The following UPK3B variants were observed in gnomAD, a reference collection of about 807,000 sequenced individuals.
The protein encoded by UPK3B is uroplakin-3b.
Under a neutral mutation model 27.6 loss-of-function variants are expected in UPK3B, and 21 were observed. That is an observed-to-expected ratio of 0.76 (90% CI 0.54 to 1.10). The LOEUF (loss-of-function observed/expected upper bound fraction) is 1.10. UPK3B is among the 50% of genes least tolerant of loss of function. The pLI, the probability that UPK3B is intolerant of heterozygous loss-of-function variation, is 0.00. For missense variants in UPK3B, 306 were observed against 376.1 expected (o/e 0.81, Z 1.54); for synonymous variants, 141 against 162.3 (o/e 0.87, Z 1.00).
chr7:76,514,356 C>T (rs1812655781), intron 5 of UPK3B, among the ~76,000 whole-genome samples: 1 of 152,140 alleles, frequency 6.6e-6, no homozygotes, highest in Non-Finnish European at 1.5e-5. Context: ...GCAGGGAACT[C>T]CCACCCTGAG....
intron 3 of UPK3B, 73 bp downstream of exon 3, chr7:76,511,955 C>CG: frequency 1.6e-6 from 1 of 630,228 alleles, no homozygotes; most frequent in Non-Finnish European, 2.5e-6. Context: ...ACCAGGGATG[C>CG]TCTCTCTAGC....
At chr7:76,515,000 A>C (rs1345639902) in intron 5 of UPK3B, 45 bp from the exon 6 acceptor site, 3 of 1,544,476 alleles carry the variant, frequency 1.9e-6, no homozygotes, top group Non-Finnish European at 2.6e-6. Flanking sequence ...CACGTGCCCC[A>C]TGTGGCAGGG....
rs1022840967 is a variant in UPK3B, at chr7:76,511,591, A to G, written c.236-66A>G. On this transcript the variant is annotated intron_variant, in intron 2 of 5. Transcript: ENST00000334348. ...GGGCTGGAGACTGGGCGAACACAGA[A>G]CCCCCACTCATAAGGACAAAGCTGC... is the stretch of plus-strand genomic sequence containing the variant. 122 of 1,401,156 alleles carry G rather than the reference A, an allele frequency of 8.7e-5. 15 individuals carry two copies. In the Admixed American group the frequency reaches 2.4e-3, roughly 28 times the overall value. 86.8% of individuals were successfully genotyped at this position (1,401,156 alleles called of 1,614,324 possible).
Position 76,511,582 on chromosome 7 carries a change from G to A in UPK3B, c.236-75G>A, listed in dbSNP as rs542926305. On this transcript the variant is annotated intron_variant, in intron 2 of 5. Coordinates refer to ENST00000334348, the MANE Select transcript of UPK3B (RefSeq NM_001347684.2). ...GGGGGGTCAGGGCTGGAGACTGGGC[G>A]AACACAGAACCCCCACTCATAAGGA... is the stretch of plus-strand genomic sequence containing the variant. The A allele has an allele frequency of 1.9e-4, 270 of 1,393,148 alleles. 34 individuals are homozygous for A. The South Asian group carries it at 2.7e-3, about 14-fold the overall frequency. 86.3% of individuals were successfully genotyped at this position (1,393,148 alleles called of 1,614,324 possible).
chr7:76,515,073 C>G lies in UPK3B; in HGVS notation c.700C>G (p.Pro234Ala). The G allele has an allele frequency of 6.3e-7, 1 of 1,596,240 alleles. No individual in the cohort carries two copies. Residue 234 changes from proline (P) to alanine (A), a missense_variant, in exon 6 of 6, where the codon CCG becomes GCG. Physicochemically the swap from Pro to Ala is conservative, Grantham distance 27 (BLOSUM62 -1). Transcript: ENST00000334348. The part of the protein sequence containing the change: ...FSSLWWPEEA[P>A]EQLRIGSFMG... Reference sequence around the variant, plus strand: ...CAGCCTGTGGTGGCCGGAGGAGGCCCCGGAGCAGCTGCGGATCGGCTCCTT... The same window carrying G: ...CAGCCTGTGGTGGCCGGAGGAGGCCGCGGAGCAGCTGCGGATCGGCTCCTT...
chr7:76,514,202 T>C, intron 5 of UPK3B, 126 bp downstream of exon 5: 1 of 1,435,620 alleles, frequency 7.0e-7, no homozygotes, highest in Non-Finnish European at 9.6e-7. Context: ...GACAGGGACT[T>C]GCTATGTTGC....
rs1198812242 is a variant in UPK3B, at chr7:76,512,650, G to A, written c.462-434G>A. Among the ~76,000 whole-genome samples the A allele has an allele frequency of 1.5e-5, 2 of 134,074 alleles. 1 individual carries two copies. Among genetic ancestry groups the A allele is most frequent in the African/African-American group, 5.3e-5 (2 of 37,966 alleles). The allele number at this position is 134,074 out of a possible 152,430, so 88.0% of individuals were successfully genotyped here. A position where few individuals can be genotyped will look rare whatever the true frequency, so the allele number is the denominator to read the frequency against. On this transcript the variant is annotated intron_variant, in intron 3 of 5. Transcript: ENST00000334348. Reference sequence around the variant, plus strand: ...TCCCAGCCCTGCAAAGAGACAAACCGAGGCCCTCTGCGGGGCTCCTGGTGC... The same window carrying A: ...TCCCAGCCCTGCAAAGAGACAAACCAAGGCCCTCTGCGGGGCTCCTGGTGC...
At position 76,514,061 on chromosome 7, in the gene UPK3B, C is replaced by T. The variant is rs778896713; in HGVS notation, c.656C>T (p.Ala219Val). ...AGLLLLAFLAASTMRFSSLWW... is the reference protein window; with the variant it reads ...AGLLLLAFLAVSTMRFSSLWW... Reference sequence around the variant, plus strand: ...CTCCTACTCTTGGCCTTCTTGGCAGCCTCTACCATGCGCTTGTGAGTGGGG... The same window carrying T: ...CTCCTACTCTTGGCCTTCTTGGCAGTCTCTACCATGCGCTTGTGAGTGGGG... The change falls in exon 5 of 6, where the codon GCC (alanine) becomes GTC (valine). Residue 219 changes from alanine (A) to valine (V), a missense_variant. Transcript: ENST00000334348. 5 of 1,614,018 alleles carry T rather than the reference C, an allele frequency of 3.1e-6. No homozygotes were observed. The highest frequency in any genetic ancestry group is 4.2e-6 in the Non-Finnish European group (5 of 1,179,952).
At chr7:76,514,993 G>A (rs1295316737) in intron 5 of UPK3B, 52 bp from the exon 6 acceptor site, 25 of 1,540,714 alleles carry the variant, frequency 1.6e-5, no homozygotes, top group Admixed American at 2.0e-5. Flanking sequence ...GACCCAGCAC[G>A]TGCCCCATGT....
In UPK3B at chr7:76,514,022, C is replaced by T. The variant is rs1812637362; in HGVS notation, c.617C>T (p.Ser206Phe). 1 of 1,613,824 alleles carries T rather than the reference C, an allele frequency of 6.2e-7. No individual in the cohort carries two copies. Among genetic ancestry groups the T allele is most frequent in the African/African-American group, 1.3e-5 (1 of 74,872 alleles). The change falls in exon 5 of 6, where the codon TCT becomes TTT. Residue 206 changes from serine (S) to phenylalanine (F), a missense_variant. Transcript: ENST00000334348. ...ATGATCGTCATTACCTCCATCCTCT[C>T]TTCTCTGGCCGGCCTCCTACTCTTG... is the stretch of plus-strand genomic sequence containing the variant. ...GSMIVITSILSSLAGLLLLAF... is the reference protein window; with the variant it reads ...GSMIVITSILFSLAGLLLLAF...
Position 76,515,409 on chromosome 7 carries a change from T to G in UPK3B, c.*205T>G. ...TGGTTTCTCTCCCTCTCCAAGCATC[T>G]GTAAGTTGCACTCAGGAGGGTTTAG... On this transcript the variant is annotated 3_prime_UTR_variant, in exon 6 of 6. Coordinates refer to ENST00000334348, the MANE Select transcript of UPK3B (RefSeq NM_001347684.2). 2 of 1,502,258 alleles carry G rather than the reference T, an allele frequency of 1.3e-6. No individual in the cohort carries two copies. The highest frequency in any genetic ancestry group is 1.3e-5 in the South Asian group (1 of 78,834). The allele number at this position is 1,502,258 out of a possible 1,614,324, so 93.1% of individuals were successfully genotyped here.
Position 76,513,151 on chromosome 7 carries a change from A to T in UPK3B, c.529A>T (p.Thr177Ser). Residue 177 changes from threonine to serine, a missense_variant, in exon 4 of 6, where the codon ACT (threonine) becomes TCT (serine). Physicochemically the swap from Thr to Ser is moderately conservative, Grantham distance 58. Around this residue, in one of 4 missense-constraint regions of UPK3B, gnomAD observed 174 missense variants for 166.6 expected, o/e 1.04. Coordinates refer to ENST00000334348, the MANE Select transcript of UPK3B (RefSeq NM_001347684.2). The part of the protein sequence containing the change: ...RAETKWSDPI[T>S]LHQGKTPGSI... ...TGAGACCAAGTGGTCAGACCCCATC[A>T]CTCTCCACCAAGGTAGCGCTGGGCA... The T allele has an allele frequency of 1.2e-6, 2 of 1,613,218 alleles. No individual in the cohort carries two copies. Among genetic ancestry groups the T allele is most frequent in the Non-Finnish European group, 1.7e-6 (2 of 1,179,768 alleles).
In UPK3B at chr7:76,513,943, G is replaced by T; in HGVS notation, c.542-4G>T. ...GCCCCTCTGAGCAGCTGGTGTGTGT[G>T]CAGGGAAGACCCCCGGATCCATCGA... On this transcript the variant is annotated splice_region_variant and splice_polypyrimidine_tract_variant and intron_variant, in intron 4 of 5. Coordinates refer to ENST00000334348, the MANE Select transcript of UPK3B (RefSeq NM_001347684.2). 6.2e-7 allele frequency: 1 copy of T among 1,613,910 alleles called. No homozygotes were observed. Among genetic ancestry groups the T allele is most frequent in the Non-Finnish European group, 8.5e-7 (1 of 1,179,922 alleles).
chr7:76,515,439 G>T lies in UPK3B; in HGVS notation c.*235G>T. 1 of 1,489,938 alleles carries T rather than the reference G, an allele frequency of 6.7e-7. No individual in the cohort carries two copies. The highest frequency in any genetic ancestry group is 8.9e-7 in the Non-Finnish European group (1 of 1,123,228). 92.3% of individuals were successfully genotyped at this position (1,489,938 alleles called of 1,614,324 possible). A position where few individuals can be genotyped will look rare whatever the true frequency, so the allele number is the denominator to read the frequency against. ...GTTGCACTCAGGAGGGTTTAGGGGA[G>T]GGCCATGGGCAGGCTGGATACCCAG... On this transcript the variant is annotated 3_prime_UTR_variant, in exon 6 of 6. Transcript: ENST00000334348.
chr7:76,512,999 A>G, intron 3 of UPK3B, 85 bp from the exon 4 acceptor site: 1 of 1,137,922 alleles, frequency 8.8e-7, no homozygotes, highest in South Asian at 1.4e-5. Context: ...AGGGCCCCAG[A>G]GGAGCTGCCT....
At position 76,516,460 on chromosome 7, in the gene UPK3B, G is replaced by A; in HGVS notation, c.*1256G>A. The stretch of plus-strand genomic sequence containing the variant: ...CATGCAGGCCCTGCCAGCGGAGGGA[G>A]CCCGGTGGTGACCCTTGGTCTGCAG... On this transcript the variant is annotated 3_prime_UTR_variant, in exon 6 of 6. Transcript: ENST00000334348. 3 of 612,010 alleles carry A rather than the reference G, an allele frequency of 4.9e-6. 1 individual carries two copies. Among genetic ancestry groups the A allele is most frequent in the Non-Finnish European group, 5.7e-6 (3 of 530,004 alleles). 37.9% of individuals were successfully genotyped at this position (612,010 alleles called of 1,614,324 possible). A position where few individuals can be genotyped will look rare whatever the true frequency, so the allele number is the denominator to read the frequency against.
chr7:76,514,067 C>T lies in UPK3B; in HGVS notation c.662C>T (p.Thr221Ile). 6.2e-7 allele frequency: 1 copy of T among 1,614,070 alleles called. No homozygotes were observed. The highest frequency in any genetic ancestry group is 8.5e-7 in the Non-Finnish European group (1 of 1,179,962). ...LLLLAFLAAS[T>I]MRFSSLWWPE... The stretch of plus-strand genomic sequence containing the variant: ...CTCTTGGCCTTCTTGGCAGCCTCTA[C>T]CATGCGCTTGTGAGTGGGGACACCC... Residue 221 changes from threonine to isoleucine, a missense_variant, in exon 5 of 6, where the codon ACC becomes ATC. Thr to Ile is a moderately conservative substitution (Grantham distance 89). This residue lies in a region of UPK3B where 174 missense variants were observed against 166.6 expected (regional missense o/e 1.04). Coordinates refer to ENST00000334348, the MANE Select transcript of UPK3B (RefSeq NM_001347684.2).
rs1812701268 is a variant in UPK3B, at chr7:76,515,295, C to T, written c.*91C>T. The T allele has an allele frequency of 1.3e-6, 2 of 1,534,926 alleles. No homozygotes were observed. The highest frequency in any genetic ancestry group is 1.8e-6 in the Non-Finnish European group (2 of 1,138,030). ...CAGCTCCTGCACCCACAGGCCCCCT[C>T]AGGGCTCCTTGCCTTTCCCCCCCAC... On this transcript the variant is annotated 3_prime_UTR_variant, in exon 6 of 6. Transcript: ENST00000334348.
chr7:76,512,844 G>T (rs1162274998), intron 3 of UPK3B, among the ~76,000 whole-genome samples: 1 of 151,852 alleles, frequency 6.6e-6, no homozygotes, highest in Non-Finnish European at 1.5e-5. Flanking sequence ...CCCGGCCCAG[G>T]TCTGGTGTCT....
Sources: allele counts gnomAD v4.1 joint callset (sites outside exome capture counted in the v4.1 genomes callset), GRCh38; gene constraint gnomAD v4.1.1; regional missense constraint gnomAD v4.1.1; transcripts MANE v1.5; gene names NCBI Gene and HGNC (gene_info 2026-07-23, HGNC 2026-07-21).